UBE2O: variants seen among roughly 807,000 people sequenced by gnomAD.
The protein encoded by UBE2O is (E3-independent) E2 ubiquitin-conjugating enzyme.
A neutral mutation model predicts 125.8 loss-of-function variants in UBE2O; 15 were observed. The ratio of observed to expected loss-of-function variants is 0.12; its 90% CI spans 0.08 to 0.18. The LOEUF (loss-of-function observed/expected upper bound fraction) is 0.18, where lower values mean the gene tolerates loss of function less well. Among genes scored for constraint, UBE2O ranks in the 10% least tolerant of loss-of-function variants. UBE2O has a pLI of 1.00. For missense variants in UBE2O, 1,280 were observed against 1,723.6 expected, an observed-to-expected ratio of 0.74 and a Z score of 4.56; for synonymous variants, 708 against 703.2, an observed-to-expected ratio of 1.01 and a Z score of -0.11.
rs1312345324 is a variant in UBE2O, at chr17:76,405,252, T to G, written c.542A>C (p.Asn181Thr). Residue 181 changes from asparagine (N) to threonine (T), a missense_variant, in exon 3 of 18, where the codon AAC (asparagine) becomes ACC (threonine). Physicochemically the swap from Asn to Thr is moderately conservative, Grantham distance 65 (BLOSUM62 0). Transcript: ENST00000319380. This position sits in a 1 kb window ranked among gnomAD's most constrained non-coding sequence, Gnocchi z 6.1. The stretch of plus-strand genomic sequence containing the variant: ...GCTGTTGACGGGATAGATGATGCAG[T>G]TGGTGCCGATGAGCTTGACGGCACA... ...IDCAVKLIGT[N>T]CIIYPVNSKD... The G allele has an allele frequency of 1.2e-6, 2 of 1,613,284 alleles. No homozygotes were observed. The highest frequency in any genetic ancestry group is 2.7e-5 in the African/African-American group (2 of 74,882).
intron 1 of UBE2O, among the ~76,000 whole-genome samples, chr17:76,448,939 G>C (rs1461454592): frequency 6.6e-6 from 1 of 152,272 alleles, no homozygotes; most frequent in African/African-American, 2.4e-5. Context: ...TCGCTGAACA[G>C]GTCAGAAGAC....
Position 76,391,462 on chromosome 17 carries a change from G to C in UBE2O, c.3360C>G (p.Pro1120=). The change falls in exon 18 of 18, where the codon CCC becomes CCG. Residue 1120 remains proline (P), a synonymous_variant. Coordinates refer to ENST00000319380, the MANE Select transcript of UBE2O (RefSeq NM_022066.4). The surrounding 1 kb of genome is among the most constrained non-coding windows in gnomAD (Gnocchi z 8.4). ...GCCTGATCTCCTGCTCAAAGACCTC[G>C]GGGGGCCGCCGCACCAGCTGGGTCA... The part of the protein sequence containing the change: ...QSMTQLVRRP[P]EVFEQEIRQH... 6.2e-7 allele frequency: 1 copy of C among 1,613,832 alleles called. No individual in the cohort carries two copies. Among genetic ancestry groups the C allele is most frequent in the Non-Finnish European group, 8.5e-7 (1 of 1,180,032 alleles).
In UBE2O at chr17:76,398,934, G is replaced by A; in HGVS notation, c.1686C>T (p.Gly562=). The stretch of plus-strand genomic sequence containing the variant: ...TGGAGCGGATGTTGCATTCCACGGA[G>A]CCATCCTGCCACATCACGTCGGCTG... ...MTSADVMWQD[G]SVECNIRSND... is the part of the protein sequence containing the mutation. Residue 562 remains glycine, a synonymous_variant, in exon 10 of 18, where the codon GGC becomes GGT. Coordinates refer to ENST00000319380, the MANE Select transcript of UBE2O (RefSeq NM_022066.4). This position sits in a 1 kb window ranked among gnomAD's most constrained non-coding sequence, Gnocchi z 5.4. 2 of 1,614,098 alleles carry A rather than the reference G, an allele frequency of 1.2e-6. No individual in the cohort carries two copies. The highest frequency in any genetic ancestry group is 3.3e-5 in the Admixed American group (2 of 60,028).
At chr17:76,431,536 C>G (rs1178951663) in intron 1 of UBE2O, among the ~76,000 whole-genome samples, 4 of 152,074 alleles carry the variant, frequency 2.6e-5, no homozygotes, top group Non-Finnish European at 4.4e-5. Context: ...CAGGAAATCA[C>G]AAATTCAAAA....
chr17:76,402,596 C>A lies in UBE2O; in HGVS notation c.686+6G>T. 6.2e-7 allele frequency: 1 copy of A among 1,613,536 alleles called. No homozygotes were observed. Among genetic ancestry groups the A allele is most frequent in the Non-Finnish European group, 8.5e-7 (1 of 1,179,484 alleles). ...AGCCGATGGCTCTCTGGTGGTGAGACTCTACCTGGCGCCGTTGGATAGCTT... is the reference window on the plus strand; with the variant it reads ...AGCCGATGGCTCTCTGGTGGTGAGAATCTACCTGGCGCCGTTGGATAGCTT... On this transcript the variant is annotated splice_donor_region_variant and intron_variant, in intron 4 of 17. Transcript: ENST00000319380. This position sits in a 1 kb window ranked among gnomAD's most constrained non-coding sequence, Gnocchi z 5.4.
At chr17:76,416,200 A>G (rs944728994) in intron 1 of UBE2O, among the ~76,000 whole-genome samples, 2 of 149,220 alleles carry the variant, frequency 1.3e-5, no homozygotes, top group African/African-American at 2.4e-5. Flanking sequence ...ATATGTGTAT[A>G]TGTGTGTGTA....
chr17:76,390,964 C>T lies in UBE2O; in HGVS notation c.3858G>A (p.Pro1286=), dbSNP rs200208578. 23 of 1,610,022 alleles carry T rather than the reference C, an allele frequency of 1.4e-5. No homozygotes were observed. The highest frequency in any genetic ancestry group is 4.0e-5 in the African/African-American group (3 of 74,890). ...GCAGCTACTTGTCCTCTGTGCACTC[C>T]GGCATGCCTGCCTCTAGCAGGGCAG... ...FRAALLEAGM[P]ECTEDK is the part of the protein sequence containing the mutation. Residue 1286 remains proline, a synonymous_variant, in exon 18 of 18, where the codon CCG becomes CCA. Transcript: ENST00000319380.
chr17:76,398,250 C>T lies in UBE2O; in HGVS notation c.2025+5G>A, dbSNP rs371076398. The T allele has an allele frequency of 9.2e-5, 149 of 1,614,026 alleles. No homozygotes were observed. Among genetic ancestry groups the T allele is most frequent in the Non-Finnish European group, 1.2e-4 (146 of 1,180,004 alleles). ...GCCATCCAGAACTTGAATTTGAAGG[C>T]GTACCTCATCCTCCTTGTGAGGAGC... On this transcript the variant is annotated splice_donor_5th_base_variant and intron_variant, in intron 12 of 17. Transcript: ENST00000319380. The surrounding 1 kb of genome is among the most constrained non-coding windows in gnomAD (Gnocchi z 5.4).
chr17:76,411,219 C>T (rs1394852792), intron 1 of UBE2O, among the ~76,000 whole-genome samples: 1 of 151,384 alleles, frequency 6.6e-6, no homozygotes, highest in East Asian at 1.9e-4. Flanking sequence ...TGCCATGTTA[C>T]CCAGGCTGGT....
intron 1 of UBE2O, among the ~76,000 whole-genome samples, chr17:76,413,909 T>A (rs8066058): frequency 0.025 from 3,807 of 152,328 alleles, 80 homozygotes; most frequent in African/African-American, 0.056. Flanking sequence ...GGCCTCCTGT[T>A]GGAGCTGGAC....
At position 76,398,966 on chromosome 17, in the gene UBE2O, T is replaced by C; in HGVS notation, c.1654A>G (p.Met552Val). 6.2e-7 allele frequency: 1 copy of C among 1,614,010 alleles called. No homozygotes were observed. Among genetic ancestry groups the C allele is most frequent in the Non-Finnish European group, 8.5e-7 (1 of 1,179,996 alleles). Residue 552 changes from methionine to valine, a missense_variant, in exon 10 of 18, where the codon ATG becomes GTG. Around this residue, in one of 10 missense-constraint regions of UBE2O, gnomAD observed 145 missense variants for 219.6 expected, o/e 0.66. Transcript: ENST00000319380. The surrounding 1 kb of genome is among the most constrained non-coding windows in gnomAD (Gnocchi z 5.4). ...TGCCACATCACGTCGGCTGAGGTCA[T>C]CGTGGTCACCACCTCCACTGCCACC... ...DRVAVEVVTT[M>V]TSADVMWQDG...
rs1274299859 is a variant in UBE2O, at chr17:76,396,787, G to T, written c.2150C>A (p.Ser717Ter). The T allele has an allele frequency of 6.2e-7, 1 of 1,609,508 alleles. No individual in the cohort carries two copies. The highest frequency in any genetic ancestry group is 1.3e-5 in the African/African-American group (1 of 74,866). Residue 717 changes from serine to a stop codon, truncating the protein, a stop_gained, in exon 14 of 18, where the codon TCA becomes TAA. Transcript: ENST00000319380. LOFTEE classifies it high-confidence loss of function. The surrounding 1 kb of genome is among the most constrained non-coding windows in gnomAD (Gnocchi z 6.7). ...LYNIESEIEESDYDSVEGSTS... is the reference protein window; with the variant it reads ...LYNIESEIEE ...GCTGCCTTCTACCGAATCGTAGTCT[G>T]ACTCCTCAATCTCAGACTCTATGTT...
chr17:76,447,505 A>G (rs537282809), intron 1 of UBE2O, among the ~76,000 whole-genome samples: 2 of 152,322 alleles, frequency 1.3e-5, no homozygotes, highest in South Asian at 2.1e-4. Flanking sequence ...TGTAATTTAT[A>G]ATCTCATTAC....
Position 76,400,035 on chromosome 17 carries a change from G to A in UBE2O, c.1155+112C>T. 1 of 1,526,460 alleles carries A rather than the reference G, an allele frequency of 6.6e-7. No individual in the cohort carries two copies. The highest frequency in any genetic ancestry group is 8.9e-7 in the Non-Finnish European group (1 of 1,129,602). 94.6% of individuals were successfully genotyped at this position (1,526,460 alleles called of 1,614,324 possible). ...GTATACACCTGAGTAGCCGGCAAGG[G>A]TCATCAGGGCTGCCCCCCAAGGCCT... On this transcript the variant is annotated intron_variant, in intron 8 of 17. Coordinates refer to ENST00000319380, the MANE Select transcript of UBE2O (RefSeq NM_022066.4). The surrounding 1 kb of genome is among the most constrained non-coding windows in gnomAD (Gnocchi z 4.3).
At position 76,399,614 on chromosome 17, in the gene UBE2O, G is replaced by A. The variant is rs751416906; in HGVS notation, c.1463C>T (p.Thr488Met). 5.8e-5 allele frequency: 94 copies of A among 1,614,078 alleles called. No homozygotes were observed. The highest frequency in any genetic ancestry group is 7.1e-5 in the Non-Finnish European group (84 of 1,180,036). ...GGAGGTCACCGAACTGGTGTCGTCC[G>A]TGTCATCAGCAGCCTCATCATCTGC... The part of the protein sequence containing the change: ...QDADDEAADD[T>M]DDTSSVTSSA... Residue 488 changes from threonine to methionine, a missense_variant, in exon 9 of 18, where the codon ACG (threonine) becomes ATG (methionine). Thr to Met is a moderately conservative substitution (Grantham distance 81). Coordinates refer to ENST00000319380, the MANE Select transcript of UBE2O (RefSeq NM_022066.4). This position sits in a 1 kb window ranked among gnomAD's most constrained non-coding sequence, Gnocchi z 6.9.
Position 76,396,477 on chromosome 17 carries a change from G to C in UBE2O, c.2460C>G (p.Ile820Met). 1.9e-6 allele frequency: 3 copies of C among 1,614,004 alleles called. No homozygotes were observed. The highest frequency in any genetic ancestry group is 2.5e-6 in the Non-Finnish European group (3 of 1,180,000). Reference sequence around the variant, plus strand: ...CAGTCATGTTCTTGAGGCTCTCCAGGATCTTGATGGCCTCTTTCAACTCCC... The same window carrying C: ...CAGTCATGTTCTTGAGGCTCTCCAGCATCTTGATGGCCTCTTTCAACTCCC... Reference protein sequence around the residue: ...SFRELKEAIKILESLKNMTVE... With the variant: ...SFRELKEAIKMLESLKNMTVE... Residue 820 changes from isoleucine (I) to methionine (M), a missense_variant, in exon 14 of 18, where the codon ATC becomes ATG. Physicochemically the swap from Ile to Met is conservative, Grantham distance 10. Coordinates refer to ENST00000319380, the MANE Select transcript of UBE2O (RefSeq NM_022066.4). This position sits in a 1 kb window ranked among gnomAD's most constrained non-coding sequence, Gnocchi z 6.7.
intron 15 of UBE2O, among the ~76,000 whole-genome samples, chr17:76,392,714 A>G (rs2072134212): frequency 6.6e-6 from 1 of 150,736 alleles, no homozygotes; most frequent in South Asian, 2.2e-4. Context: ...GCACTTTGGG[A>G]GGCCGAGACG....
chr17:76,437,308 G>C (rs2073012361), intron 1 of UBE2O, among the ~76,000 whole-genome samples: 2 of 151,686 alleles, frequency 1.3e-5, no homozygotes, highest in Non-Finnish European at 1.5e-5. Context: ...AAATTAGCCG[G>C]GCGTGGTGGC....
At chr17:76,450,679 T>C (rs550458585) in intron 1 of UBE2O, among the ~76,000 whole-genome samples, 23 of 152,060 alleles carry the variant, frequency 1.5e-4, no homozygotes, top group African/African-American at 4.1e-4. Flanking sequence ...TGGAGTGCAA[T>C]GGTGCCATCT....
Sources: allele counts gnomAD v4.1 joint callset (sites outside exome capture counted in the v4.1 genomes callset), GRCh38; gene constraint gnomAD v4.1.1; regional missense constraint gnomAD v4.1.1; non-coding constraint Gnocchi (gnomAD v3.1); transcripts MANE v1.5; gene names NCBI Gene and HGNC (gene_info 2026-07-23, HGNC 2026-07-21).